CDC14B: variants seen among roughly 807,000 people sequenced by gnomAD.
CDC14B encodes dual specificity protein phosphatase CDC14B.
CDC14B carries 22 observed loss-of-function variants against 64.2 expected under a neutral mutation model. The ratio of observed to expected loss-of-function variants is 0.34; its 90% CI spans 0.24 to 0.49. CDC14B has a LOEUF of 0.49. CDC14B is among the 20% of genes least tolerant of loss of function. The pLI, the probability that CDC14B is intolerant of heterozygous loss-of-function variation, is 0.99. For missense variants in CDC14B, 498 were observed against 629.9 expected (o/e 0.79, Z 2.24); for synonymous variants, 191 against 215.8 (o/e 0.89, Z 1.01).
At chr9:96,554,985 G>T (rs1842308151) in intron 4 of CDC14B, among the ~76,000 whole-genome samples, 1 of 152,142 alleles carries the variant, frequency 6.6e-6, no homozygotes, top group Non-Finnish European at 1.5e-5. Flanking sequence ...AAATTCTTTT[G>T]ATATATTTTC....
At chr9:96,552,238 T>A (rs1227075716) in intron 4 of CDC14B, among the ~76,000 whole-genome samples, 1 of 152,048 alleles carries the variant, frequency 6.6e-6, no homozygotes, top group Non-Finnish European at 1.5e-5. Flanking sequence ...GTGTAGGAGA[T>A]GGGGATGGGG....
intron 1 of CDC14B, among the ~76,000 whole-genome samples, chr9:96,592,268 C>T (rs773752888): frequency 6.6e-6 from 1 of 151,772 alleles, no homozygotes; most frequent in South Asian, 2.1e-4. Context: ...TGTAGAGACA[C>T]GGTCTCACTA....
chr9:96,504,276 C>T (rs899191751), intron 13 of CDC14B, among the ~76,000 whole-genome samples: 2 of 152,178 alleles, frequency 1.3e-5, no homozygotes, highest in South Asian at 2.1e-4. Context: ...CCAGCTCCAC[C>T]GAGCACAGGA....
chr9:96,605,180 GAA>G (rs562803705), intron 1 of CDC14B, among the ~76,000 whole-genome samples: 2 of 148,926 alleles, frequency 1.3e-5, no homozygotes, highest in Non-Finnish European at 3.0e-5. Context: ...GAGCACAGAG[GAA>G]AAAAAAAATA....
chr9:96,529,045 C>T (rs1448088061), intron 9 of CDC14B, among the ~76,000 whole-genome samples: 1 of 152,114 alleles, frequency 6.6e-6, no homozygotes, highest in East Asian at 1.9e-4. Context: ...CCATGGGTTA[C>T]CTTGTTACTC....
chr9:96,577,852 T>C (rs77632911), intron 1 of CDC14B, among the ~76,000 whole-genome samples: 1,722 of 152,340 alleles, frequency 0.011, 28 homozygotes, highest in African/African-American at 0.037. Context: ...AGAATCATTA[T>C]TTATAATAGG....
downstream of CDC14B, among the ~76,000 whole-genome samples, chr9:96,497,548 T>TA (rs1281059811): frequency 6.6e-6 from 1 of 151,930 alleles, no homozygotes; most frequent in African/African-American, 2.4e-5. Flanking sequence ...CGTGACCCCC[T>TA]ACCCACGGCG....
At chr9:96,603,707 A>C (rs1846662066) in intron 1 of CDC14B, among the ~76,000 whole-genome samples, 1 of 152,244 alleles carries the variant, frequency 6.6e-6, no homozygotes, top group Non-Finnish European at 1.5e-5. Context: ...CAAGATTAGC[A>C]CTATGACTTA....
chr9:96,569,214 T>C (rs1358649776), intron 1 of CDC14B, among the ~76,000 whole-genome samples: 1 of 152,160 alleles, frequency 6.6e-6, no homozygotes, highest in Non-Finnish European at 1.5e-5. Context: ...GCTAACAGTG[T>C]TTTTCCAAAG....
In CDC14B at chr9:96,551,107, T is replaced by C. The variant is rs112471204; in HGVS notation, c.497+689A>G. Among the ~76,000 whole-genome samples the C allele has an allele frequency of 6.5e-3, 810 of 124,736 alleles. 16 individuals are homozygous for C. The highest frequency in any genetic ancestry group is 0.026 in the African/African-American group (755 of 29,274). 81.8% of individuals were successfully genotyped at this position (124,736 alleles called of 152,430 possible). A position where few individuals can be genotyped will look rare whatever the true frequency, so the allele number is the denominator to read the frequency against. On this transcript the variant is annotated intron_variant, in intron 5 of 13. Coordinates refer to ENST00000375241, the MANE Select transcript of CDC14B (RefSeq NM_033331.4). ...CTGATACAAAGCCTAGGTTTTGGGG[T>C]TTGCTTTTTTTTTTTTTTTTTTTGA...
At chr9:96,551,748 T>TG (rs1564315742) in intron 5 of CDC14B, 48 bp downstream of exon 5, 1 of 1,587,498 alleles carries the variant, frequency 6.3e-7, no homozygotes, top group Non-Finnish European at 8.5e-7. Flanking sequence ...AAGATATTTC[T>TG]GGCAAGGATC....
At chr9:96,513,632 A>T (rs1449452862) in intron 12 of CDC14B, among the ~76,000 whole-genome samples, 4 of 152,164 alleles carry the variant, frequency 2.6e-5, no homozygotes, top group Non-Finnish European at 5.9e-5. Flanking sequence ...AAAGCCAAAA[A>T]CTAAAAAGCC....
At position 96,552,430 on chromosome 9, in the gene CDC14B, G is replaced by A. The variant is rs947791272; in HGVS notation, c.421-558C>T. Among the ~76,000 whole-genome samples the A allele has an allele frequency of 2.6e-5, 4 of 152,182 alleles. No homozygotes were observed. The East Asian group carries it at 7.7e-4, about 29-fold the overall frequency. The stretch of plus-strand genomic sequence containing the variant: ...GCTATGCTTTGACTTTAACCTGGGA[G>A]AATACCTCAAGTATATTCTTCAGCA... On this transcript the variant is annotated intron_variant, in intron 4 of 13. Transcript: ENST00000375241.
intron 5 of CDC14B, among the ~76,000 whole-genome samples, chr9:96,546,254 A>T (rs1290966699): frequency 1.3e-5 from 2 of 152,198 alleles, no homozygotes; most frequent in East Asian, 3.9e-4. Flanking sequence ...TACCTTCCAC[A>T]ACACAGGTAA....
At chr9:96,570,774 G>A (rs955152894) in intron 1 of CDC14B, among the ~76,000 whole-genome samples, 2 of 152,184 alleles carry the variant, frequency 1.3e-5, no homozygotes, top group Admixed American at 1.3e-4. Flanking sequence ...ACCCTGTGAG[G>A]TTAGCACTAC....
intron 1 of CDC14B, among the ~76,000 whole-genome samples, chr9:96,580,176 A>G (rs1417175093): frequency 1.3e-5 from 2 of 152,082 alleles, no homozygotes; most frequent in Non-Finnish European, 2.9e-5. Flanking sequence ...ATCCAGTTGG[A>G]AAAAAATTAA....
At chr9:96,602,930 A>G (rs530481892) in intron 1 of CDC14B, among the ~76,000 whole-genome samples, 3 of 152,204 alleles carry the variant, frequency 2.0e-5, no homozygotes, top group African/African-American at 7.2e-5. Flanking sequence ...CTGAAGAGAC[A>G]GTAACTACAC....
chr9:96,519,499 GCTGAGGTGGGTGTACCA>G (rs1215805566), intron 12 of CDC14B, among the ~76,000 whole-genome samples: 35 of 152,208 alleles, frequency 2.3e-4, no homozygotes, highest in African/African-American at 8.4e-4. Context: ...ACTTTGGGAG[GCTGAGGTGGGTGTACCA>G]CTTGAGGTCA....
intron 1 of CDC14B, among the ~76,000 whole-genome samples, chr9:96,605,665 T>C (rs892594004): frequency 1.3e-5 from 2 of 152,228 alleles, no homozygotes. Context: ...AGCAAGACAC[T>C]GACTGCAGAC....
Sources: gnomAD v4.1 joint callset for allele counts (sites outside exome capture counted in the v4.1 genomes callset) on GRCh38, gnomAD v4.1.1 for gene constraint, MANE v1.5 for transcripts, NCBI Gene and HGNC (gene_info 2026-07-23, HGNC 2026-07-21) for gene names.